Variants in NSG1 observed in about 807,000 individuals in gnomAD.
NSG1 encodes the protein neuronal vesicle trafficking-associated protein 1.
Under a neutral mutation model 19.3 loss-of-function variants are expected in NSG1, and 9 were observed. The ratio of observed to expected loss-of-function variants is 0.47; its 90% CI spans 0.28 to 0.81. The LOEUF (loss-of-function observed/expected upper bound fraction) is 0.81, where lower values mean the gene tolerates loss of function less well. Among genes scored for constraint, NSG1 ranks in the 40% least tolerant of loss-of-function variants. The pLI, the probability that NSG1 is intolerant of heterozygous loss-of-function variation, is 0.11. For missense variants in NSG1, 236 were observed against 242.4 expected (o/e 0.97, Z 0.18); for synonymous variants, 104 against 107.0 (o/e 0.97, Z 0.17).
intron 3 of NSG1, among the ~76,000 whole-genome samples, chr4:4,402,474 G>A (rs1169673098): frequency 3.6e-5 from 5 of 140,020 alleles, no homozygotes; most frequent in Admixed American, 7.8e-5. Context: ...TGCAAGCTCC[G>A]CCTTCCGGGT....
rs1722782388 is a variant in NSG1, at chr4:4,387,475, C to A, written c.-26-129C>A. The A allele has an allele frequency of 1.1e-5, 7 of 629,538 alleles. No individual in the cohort carries two copies. The Admixed American group carries it at 1.2e-4, about 11-fold the overall frequency. The allele number at this position is 629,538 out of a possible 1,614,324, so 39.0% of individuals were successfully genotyped here. ...CCGTGACCACCGCGTCCCCACGAGC[C>A]CTCCCCGAGACGAAGCGGGGCCGGG... On this transcript the variant is annotated intron_variant, in intron 1 of 4. Coordinates refer to ENST00000621129, the MANE Select transcript of NSG1 (RefSeq NM_014392.5).
At chr4:4,391,411 C>A in intron 2 of NSG1, 64 bp from the exon 3 acceptor site, 2 of 1,092,426 alleles carry the variant, frequency 1.8e-6, no homozygotes, top group Non-Finnish European at 1.3e-6. Context: ...GTTCCCAGAC[C>A]CACCCTCTTT....
chr4:4,409,431 C>T (rs1246068155), intron 3 of NSG1, 142 bp from the exon 4 acceptor site: 2 of 653,136 alleles, frequency 3.1e-6, no homozygotes, highest in Non-Finnish European at 5.5e-6. Context: ...CTTCTAACCT[C>T]TTGTGCCTAG....
intron 3 of NSG1, among the ~76,000 whole-genome samples, chr4:4,394,269 T>C (rs1449660203): frequency 6.6e-6 from 1 of 152,192 alleles, no homozygotes; most frequent in Non-Finnish European, 1.5e-5. Context: ...TCAAAACCCT[T>C]GCTCTGCTGC....
At chr4:4,397,536 G>A (rs929607298) in intron 3 of NSG1, among the ~76,000 whole-genome samples, 5 of 152,210 alleles carry the variant, frequency 3.3e-5, no homozygotes, top group African/African-American at 9.6e-5. Context: ...GAGGGCAGAC[G>A]GGAGCACAGC....
chr4:4,391,401 G>T, intron 2 of NSG1, 74 bp from the exon 3 acceptor site: 1 of 931,328 alleles, frequency 1.1e-6, no homozygotes, highest in Non-Finnish European at 1.6e-6. Context: ...GAATATGGGA[G>T]TTCCCAGACC....
intron 3 of NSG1, among the ~76,000 whole-genome samples, chr4:4,403,384 C>T (rs1398135235): frequency 1.3e-5 from 2 of 152,214 alleles, no homozygotes; most frequent in East Asian, 3.9e-4. Flanking sequence ...CCTGCCGCTT[C>T]TGTCTTCTGG....
intron 3 of NSG1, among the ~76,000 whole-genome samples, chr4:4,405,716 G>C (rs570827788): frequency 6.6e-6 from 1 of 152,274 alleles, no homozygotes; most frequent in South Asian, 2.1e-4. Context: ...GGAGCTCTTT[G>C]CCACACCACG....
At chr4:4,408,444 A>T (rs1430439102) in intron 3 of NSG1, among the ~76,000 whole-genome samples, 1 of 152,162 alleles carries the variant, frequency 6.6e-6, no homozygotes, top group Non-Finnish European at 1.5e-5. Context: ...GGCCATCTGC[A>T]CGCTGTTTTA....
At chr4:4,415,222 C>G (rs572285778) in intron 4 of NSG1, among the ~76,000 whole-genome samples, 2 of 152,260 alleles carry the variant, frequency 1.3e-5, no homozygotes, top group South Asian at 2.1e-4. Context: ...AGTGGCTACT[C>G]TTTTCCAGTG....
chr4:4,417,324 C>T lies in NSG1; in HGVS notation c.447C>T (p.His149=). Residue 149 remains histidine, a synonymous_variant, in exon 5 of 5, where the codon CAC becomes CAT. Transcript: ENST00000621129. ...AGAAATTTTACACAGTCATAAACCA[C>T]TACAACCTGGCCAAGCAGAGCATCA... is the stretch of plus-strand genomic sequence containing the variant. ...AREKFYTVIN[H]YNLAKQSITR... is the part of the protein sequence containing the mutation. 3 of 1,614,176 alleles carry T rather than the reference C, an allele frequency of 1.9e-6. No homozygotes were observed. The highest frequency in any genetic ancestry group is 1.3e-5 in the African/African-American group (1 of 75,050).
chr4:4,392,892 G>A (rs1375267882), intron 3 of NSG1, among the ~76,000 whole-genome samples: 1 of 152,158 alleles, frequency 6.6e-6, no homozygotes, highest in South Asian at 2.1e-4. Flanking sequence ...CGTGTGTGCC[G>A]AGAGGCTCTT....
chr4:4,387,561 C>CGGGGGTGGGGGGGGGG, intron 1 of NSG1, 43 bp from the exon 2 acceptor site: 1 of 1,141,990 alleles, frequency 8.8e-7, no homozygotes, highest in Non-Finnish European at 1.2e-6. Flanking sequence ...CGCCCCGCCC[C>CGGGGGTGGGGGGGGGG]GGGTCTTGCT....
intron 4 of NSG1, among the ~76,000 whole-genome samples, chr4:4,410,084 C>T (rs1053091001): frequency 3.3e-5 from 5 of 152,170 alleles, no homozygotes; most frequent in Non-Finnish European, 7.4e-5. Context: ...AGAGGATGTA[C>T]TGGGGGAAGC....
At chr4:4,407,004 G>A (rs1329554112) in intron 3 of NSG1, among the ~76,000 whole-genome samples, 8 of 152,244 alleles carry the variant, frequency 5.3e-5, no homozygotes, top group Admixed American at 3.9e-4. Flanking sequence ...GGTGCTGTGC[G>A]CTGGCCTGTG....
intron 4 of NSG1, among the ~76,000 whole-genome samples, chr4:4,412,011 G>T (rs537574398): frequency 3.3e-5 from 5 of 152,268 alleles, no homozygotes; most frequent in Non-Finnish European, 4.4e-5. Flanking sequence ...CAGTGCAGGG[G>T]GTGTGTGTAT....
chr4:4,393,630 T>A (rs1723105209), intron 3 of NSG1, among the ~76,000 whole-genome samples: 1 of 152,204 alleles, frequency 6.6e-6, no homozygotes, highest in Non-Finnish European at 1.5e-5. Flanking sequence ...CTGGGTGTGT[T>A]CCTCTGCTTA....
intron 2 of NSG1, 127 bp downstream of exon 2, chr4:4,387,885 G>A: frequency 1.3e-6 from 1 of 798,706 alleles, no homozygotes; most frequent in Non-Finnish European, 2.1e-6. Flanking sequence ...GGAGGCCGGA[G>A]GGAGCGCGGC....
At chr4:4,401,637 G>C (rs1043149434) in intron 3 of NSG1, among the ~76,000 whole-genome samples, 2 of 152,056 alleles carry the variant, frequency 1.3e-5, no homozygotes, top group African/African-American at 4.8e-5. Context: ...TTAACACCAG[G>C]GTGACGCTGT....
Sources: gnomAD v4.1 joint callset for allele counts (sites outside exome capture counted in the v4.1 genomes callset) on GRCh38, gnomAD v4.1.1 for gene constraint, MANE v1.5 for transcripts, NCBI Gene and HGNC (gene_info 2026-07-23, HGNC 2026-07-21) for gene names.